Variants in FGF12 observed in about 807,000 individuals in gnomAD.
The protein encoded by FGF12 is fibroblast growth factor 12B.
Under a neutral mutation model 23.6 loss-of-function variants are expected in FGF12, and 14 were observed. The ratio of observed to expected loss-of-function variants is 0.59; its 90% CI spans 0.39 to 0.93. The LOEUF is 0.93. FGF12 is among the 40% of genes least tolerant of loss of function. The pLI is 0.00. For missense variants in FGF12, 175 were observed against 217.8 expected (o/e 0.80, Z 1.24); for synonymous variants, 62 against 77.3 (o/e 0.80, Z 1.04).
At chr3:192,350,543 G>A (rs920236597) in intron 3 of FGF12, among the ~76,000 whole-genome samples, 1 of 152,072 alleles carries the variant, frequency 6.6e-6, no homozygotes, top group Non-Finnish European at 1.5e-5. Flanking sequence ...TTTGAGAAAA[G>A]GCTTCCCTTT....
rs184901862 is a variant in FGF12 at position 192,144,378 on chromosome 3, G to A, written c.428-251C>T. Among the ~76,000 whole-genome samples the A allele has an allele frequency of 2.8e-3, 430 of 151,574 alleles. 3 individuals carry two copies. Among genetic ancestry groups the A allele is most frequent in the Middle Eastern group, 0.01 (3 of 294 alleles). On this transcript the variant is annotated intron_variant, in intron 5 of 5. Transcript: ENST00000445105. Reference sequence around the variant, plus strand: ...TTGTTTCTGTTCTCTCATAGATAAGGCTTGAATCTTTACAGTTTCCTAACC... The same window carrying A: ...TTGTTTCTGTTCTCTCATAGATAAGACTTGAATCTTTACAGTTTCCTAACC...
At chr3:192,459,899 C>T (rs1472213158) in intron 2 of FGF12, among the ~76,000 whole-genome samples, 1 of 151,634 alleles carries the variant, frequency 6.6e-6, no homozygotes, top group African/African-American at 2.4e-5. Context: ...GAGAAGGAGA[C>T]AGAAGGTGAT....
At chr3:192,553,012 C>T (rs1210582793) in intron 2 of FGF12, among the ~76,000 whole-genome samples, 2 of 152,068 alleles carry the variant, frequency 1.3e-5, no homozygotes, top group African/African-American at 4.8e-5. Context: ...ATTCCACGGT[C>T]AGTGGAAATA....
intron 2 of FGF12, among the ~76,000 whole-genome samples, chr3:192,666,555 A>G (rs1716878917): frequency 6.6e-6 from 1 of 152,234 alleles, no homozygotes; most frequent in African/African-American, 2.4e-5. Context: ...TTTTTATAGA[A>G]CAGGGACCAT....
At position 192,514,561 on chromosome 3, in the gene FGF12, A is replaced by C. The variant is rs912620616; in HGVS notation, c.14-154023T>G. On this transcript the variant is annotated intron_variant, in intron 2 of 5. Transcript: ENST00000445105. This position sits in a 1 kb window ranked among gnomAD's most constrained non-coding sequence, Gnocchi z 4.9. ...AGTCGGGAAACGCCTTCCCTCCGCC[A>C]CAGGCAGCGCTGAATGAAGCAGAGG... The C allele has an allele frequency of 2.3e-4, 96 of 418,298 alleles. No individual in the cohort carries two copies. The highest frequency in any genetic ancestry group is 3.2e-4 in the Admixed American group (5 of 15,566). The allele number at this position is 418,298 out of a possible 1,614,324, so 25.9% of individuals were successfully genotyped here.
At chr3:192,343,222 C>A (rs1268351355) in intron 3 of FGF12, among the ~76,000 whole-genome samples, 1 of 151,156 alleles carries the variant, frequency 6.6e-6, no homozygotes, top group Non-Finnish European at 1.5e-5. Flanking sequence ...CATTAAAAAC[C>A]CATGTGGAAC....
chr3:192,333,840 A>C lies in FGF12; in HGVS notation c.228+1521T>G, dbSNP rs371871206. ...GGGAGAATTACAGGGTGATTACCCC[A>C]CCATGCGAAATGTGGTACACATGGT... On this transcript the variant is annotated intron_variant, in intron 4 of 5. Coordinates refer to ENST00000445105, the MANE Select transcript of FGF12 (RefSeq NM_004113.6). Among the ~76,000 whole-genome samples, 3 of 152,076 alleles carry C rather than the reference A, an allele frequency of 2.0e-5. No homozygotes were observed. The East Asian group carries it at 5.8e-4, about 29-fold the overall frequency.
rs565778091 is a variant in FGF12, at chr3:192,647,722, T to C, written c.13+79459A>G. ...ATATGTGTATATATACATATATATA[T>C]ACACATATATACATACATGTATATA... is the stretch of plus-strand genomic sequence containing the variant. On this transcript the variant is annotated intron_variant, in intron 2 of 5. Coordinates refer to ENST00000445105, the MANE Select transcript of FGF12 (RefSeq NM_004113.6). Among the ~76,000 whole-genome samples the C allele has an allele frequency of 3.4e-4, 49 of 145,624 alleles. 1 individual carries two copies. The highest frequency in any genetic ancestry group is 8.9e-4 in the African/African-American group (34 of 38,234).
chr3:192,208,653 G>A lies in FGF12; in HGVS notation c.229-37997C>T, dbSNP rs995685512. Among the ~76,000 whole-genome samples, 16 of 152,270 alleles carry A rather than the reference G, an allele frequency of 1.1e-4. 2 individuals carry two copies. Among genetic ancestry groups the A allele is most frequent in the African/African-American group, 1.4e-4 (6 of 41,564 alleles). Reference sequence around the variant, plus strand: ...ATATCAACGGAGTCACTTCCAGAATGCAAATAAATGTAGAATAATTTCAAT... The same window carrying A: ...ATATCAACGGAGTCACTTCCAGAATACAAATAAATGTAGAATAATTTCAAT... On this transcript the variant is annotated intron_variant, in intron 4 of 5. Transcript: ENST00000445105.
At chr3:192,599,012 A>G (rs1272927774) in intron 2 of FGF12, among the ~76,000 whole-genome samples, 1 of 152,126 alleles carries the variant, frequency 6.6e-6, no homozygotes, top group Middle Eastern at 3.2e-3. Context: ...TAACACAAGA[A>G]CAGAAAACCA....
chr3:192,575,594 C>T (rs1197068271), intron 2 of FGF12, among the ~76,000 whole-genome samples: 1 of 152,042 alleles, frequency 6.6e-6, no homozygotes, highest in Admixed American at 6.5e-5. Flanking sequence ...TATTGAAGTC[C>T]TTTCTTTGTT....
At chr3:192,379,999 C>T (rs1719749118) in intron 2 of FGF12, among the ~76,000 whole-genome samples, 1 of 152,156 alleles carries the variant, frequency 6.6e-6, no homozygotes, top group Non-Finnish European at 1.5e-5. Flanking sequence ...CATTCAAACA[C>T]CACAGCGTTA....
chr3:192,212,245 G>T (rs1378778820), intron 4 of FGF12, among the ~76,000 whole-genome samples: 1 of 152,114 alleles, frequency 6.6e-6, no homozygotes, highest in African/African-American at 2.4e-5. Context: ...ATAAAAACAG[G>T]AAGGTTATAT....
intron 2 of FGF12, among the ~76,000 whole-genome samples, chr3:192,546,094 G>GA (rs923204235): frequency 6.6e-6 from 1 of 152,170 alleles, no homozygotes; most frequent in Admixed American, 6.5e-5. Context: ...TGGTGGAAAA[G>GA]AACATAACTT....
intron 2 of FGF12, among the ~76,000 whole-genome samples, chr3:192,372,421 A>ACACACACACACAC: frequency 6.7e-6 from 1 of 150,144 alleles, no homozygotes; most frequent in African/African-American, 2.5e-5. Flanking sequence ...ACACACACAC[A>ACACACACACACAC]ATGCTTTGCC....
chr3:192,493,282 T>C (rs1723853594), intron 2 of FGF12, among the ~76,000 whole-genome samples: 1 of 152,144 alleles, frequency 6.6e-6, no homozygotes. Flanking sequence ...GCAACATCAA[T>C]CTGTGAGTCT....
chr3:192,325,953 C>T (rs1206162901), intron 4 of FGF12, among the ~76,000 whole-genome samples: 3 of 152,092 alleles, frequency 2.0e-5, no homozygotes, highest in African/African-American at 7.2e-5. Flanking sequence ...AGTCACTGAA[C>T]TGGAAAGTGT....
In FGF12 at chr3:192,324,466, G is replaced by C. The variant is rs551653508; in HGVS notation, c.228+10895C>G. On this transcript the variant is annotated intron_variant, in intron 4 of 5. Transcript: ENST00000445105. Reference sequence around the variant, plus strand: ...TGTTACTGCTTATGGCTAACACTGAGTGTTGAGTACATAATATACACTGCC... The same window carrying C: ...TGTTACTGCTTATGGCTAACACTGACTGTTGAGTACATAATATACACTGCC... Among the ~76,000 whole-genome samples the C allele has an allele frequency of 1.8e-4, 28 of 152,316 alleles. 1 individual carries two copies. The South Asian group carries it at 5.6e-3, about 30-fold the overall frequency.
intron 3 of FGF12, among the ~76,000 whole-genome samples, chr3:192,346,321 C>A (rs914569429): frequency 7.9e-5 from 12 of 152,246 alleles, no homozygotes; most frequent in Admixed American, 1.3e-4. Flanking sequence ...TTAATTTTTC[C>A]CTTACATGGT....
Sources: allele counts gnomAD v4.1 joint callset (sites outside exome capture counted in the v4.1 genomes callset), GRCh38; gene constraint gnomAD v4.1.1; non-coding constraint Gnocchi (gnomAD v3.1); transcripts MANE v1.5; gene names NCBI Gene and HGNC (gene_info 2026-07-23, HGNC 2026-07-21).